The following KLHL13 variants were observed in gnomAD, a reference collection of about 807,000 sequenced individuals.
KLHL13 encodes kelch-like protein 13.
In KLHL13, 10 loss-of-function variants were observed where a neutral mutation model predicts 37.1. The observed-to-expected ratio is 0.27, with a 90% CI of 0.17 to 0.46. The LOEUF (loss-of-function observed/expected upper bound fraction) is 0.46, where lower values mean the gene tolerates loss of function less well. KLHL13 is among the 20% of genes least tolerant of loss of function. The probability of loss-of-function intolerance (pLI) is 1.00; values close to 1 mark genes in which losing one functional copy is unlikely to be tolerated. For missense variants in KLHL13, 360 were observed against 509.3 expected (o/e 0.71, Z 2.82); for synonymous variants, 163 against 181.2 (o/e 0.90, Z 0.81).
At chrX:117,917,769 A>C in intron 4 of KLHL13, among the ~76,000 whole-genome samples, 1 of 111,953 alleles carries the variant, frequency 8.9e-6, no homozygotes, top group Non-Finnish European at 1.9e-5. Context: ...ATAGGCCAAC[A>C]ATGTCTCTTG....
At position 118,053,293 on chromosome X, in the gene KLHL13, C is replaced by T. The variant is rs369240603; in HGVS notation, c.-56+63215G>A. Among the ~76,000 whole-genome samples, 176 of 111,768 alleles carry T rather than the reference C, an allele frequency of 1.6e-3. 2 individuals are homozygous for T. Among genetic ancestry groups the T allele is most frequent in the African/African-American group, 5.2e-3 (161 of 30,754 alleles). ...AAGAAAATGTGGCACATATACACCA[C>T]GGAATACTATGCAGCCATAAAAAAT... On this transcript the variant is annotated intron_variant, in intron 1 of 6. Coordinates refer to the KLHL13 transcript ENST00000371882.
intron 1 of KLHL13, among the ~76,000 whole-genome samples, chrX:118,107,817 T>A (rs1360554502): frequency 9.0e-6 from 1 of 111,441 alleles, no homozygotes; most frequent in African/African-American, 3.3e-5. Flanking sequence ...CCCAGCAAAC[T>A]GGGAGGCTGA....
intron 1 of KLHL13, among the ~76,000 whole-genome samples, chrX:118,042,279 T>G (rs1280817144): frequency 9.0e-6 from 1 of 111,685 alleles, no homozygotes; most frequent in Non-Finnish European, 1.9e-5. Flanking sequence ...TAACCCATTT[T>G]CAGCATTGGA....
chrX:118,071,977 T>C (rs1472627136), intron 1 of KLHL13, among the ~76,000 whole-genome samples: 2 of 110,999 alleles, frequency 1.8e-5, no homozygotes, highest in Non-Finnish European at 3.8e-5. Flanking sequence ...TGGAAAAAAC[T>C]ACTTTAAAGT....
At chrX:118,047,847 A>C (rs908765606) in intron 1 of KLHL13, among the ~76,000 whole-genome samples, 3 of 112,008 alleles carry the variant, frequency 2.7e-5, no homozygotes, top group African/African-American at 9.7e-5. Flanking sequence ...CTGGTAAAAA[A>C]GAGTAAGGAG....
chrX:117,985,813 C>A (rs1013829633), intron 1 of KLHL13, among the ~76,000 whole-genome samples: 1 of 110,651 alleles, frequency 9.0e-6, no homozygotes, highest in African/African-American at 3.3e-5. Flanking sequence ...TAAGTCCTAT[C>A]TTTTTTTCTT....
intron 1 of KLHL13, among the ~76,000 whole-genome samples, chrX:117,990,434 T>C (rs1209151065): frequency 8.9e-6 from 1 of 112,026 alleles, no homozygotes; most frequent in African/African-American, 3.2e-5. Flanking sequence ...TGTTACCACC[T>C]AGGCCAGGGA....
At chrX:118,088,253 G>A (rs1196701931) in intron 1 of KLHL13, among the ~76,000 whole-genome samples, 3 of 111,866 alleles carry the variant, frequency 2.7e-5, no homozygotes, top group Non-Finnish European at 5.6e-5. Flanking sequence ...ACAATACCCT[G>A]TGCCAATATT....
chrX:118,076,658 T>C (rs898345730), intron 1 of KLHL13, among the ~76,000 whole-genome samples: 39 of 111,100 alleles, frequency 3.5e-4, no homozygotes, highest in African/African-American at 1.2e-3. Context: ...ATAAAGTAGG[T>C]TATCCTTCCT....
intron 1 of KLHL13, among the ~76,000 whole-genome samples, chrX:118,031,042 G>A (rs1396738716): frequency 9.0e-6 from 1 of 111,026 alleles, no homozygotes; most frequent in Non-Finnish European, 1.9e-5. Context: ...CAGGGAGTAG[G>A]TGATAGGATA....
intron 1 of KLHL13, among the ~76,000 whole-genome samples, chrX:118,017,970 A>C (rs776204076): frequency 7.2e-5 from 8 of 111,298 alleles, no homozygotes; most frequent in Non-Finnish European, 1.3e-4. Flanking sequence ...ACAACAACAA[A>C]CTGGTGACTC....
At chrX:118,069,580 GA>G (rs1441168915) in intron 1 of KLHL13, among the ~76,000 whole-genome samples, 1 of 110,106 alleles carries the variant, frequency 9.1e-6, no homozygotes. Flanking sequence ...TCCAGTTCAT[GA>G]AAAAAGAAAA....
intron 1 of KLHL13, among the ~76,000 whole-genome samples, chrX:118,033,684 A>G (rs2054392390): frequency 9.2e-6 from 1 of 109,203 alleles, no homozygotes; most frequent in African/African-American, 3.4e-5. Flanking sequence ...TGCATCAACT[A>G]ACGAGCAAAA....
At chrX:117,933,930 T>C (rs1254396676) in intron 2 of KLHL13, among the ~76,000 whole-genome samples, 2 of 110,666 alleles carry the variant, frequency 1.8e-5, no homozygotes, top group Non-Finnish European at 3.8e-5. Context: ...ATGGATCATA[T>C]ACACCATGGA....
At chrX:118,098,260 C>T (rs2055237351) in intron 1 of KLHL13, among the ~76,000 whole-genome samples, 1 of 111,884 alleles carries the variant, frequency 8.9e-6, no homozygotes, top group Non-Finnish European at 1.9e-5. Context: ...AAAAAGTGGG[C>T]AAAGGCTATG....
intron 1 of KLHL13, among the ~76,000 whole-genome samples, chrX:118,033,062 G>A (rs771923225): frequency 4.4e-4 from 49 of 110,799 alleles, no homozygotes; most frequent in Non-Finnish European, 6.4e-4. Context: ...AAAGAAATGA[G>A]CAAAGCCTCC....
At chrX:117,974,193 G>A (rs6646019), upstream of KLHL13, among the ~76,000 whole-genome samples, 642 of 111,677 alleles carry the variant, frequency 5.7e-3, 5 homozygotes, top group African/African-American at 0.018. Flanking sequence ...GTATTATGCT[G>A]AACTGTTTAT....
chrX:117,926,436 T>C (rs974045455), intron 2 of KLHL13, among the ~76,000 whole-genome samples: 14 of 111,146 alleles, frequency 1.3e-4, no homozygotes, highest in African/African-American at 4.6e-4. Flanking sequence ...CGAGTAATGA[T>C]AAACATCTTT....
intron 1 of KLHL13, among the ~76,000 whole-genome samples, chrX:118,072,634 G>C (rs772581643): frequency 9.0e-6 from 1 of 111,311 alleles, no homozygotes; most frequent in African/African-American, 3.3e-5. Flanking sequence ...AAATTTACAA[G>C]AAAAAAACAA....
Sources: allele counts gnomAD v4.1 joint callset (sites outside exome capture counted in the v4.1 genomes callset), GRCh38; gene constraint gnomAD v4.1.1; transcripts MANE v1.5; gene names NCBI Gene and HGNC (gene_info 2026-07-23, HGNC 2026-07-21).